Variants in CD53 observed in about 807,000 individuals in gnomAD.
CD53 encodes CD53 molecule.
CD53 carries 20 observed loss-of-function variants against 27.3 expected under a neutral mutation model. The observed-to-expected ratio is 0.73, with a 90% CI of 0.52 to 1.07. The LOEUF (loss-of-function observed/expected upper bound fraction) is 1.07, where lower values mean the gene tolerates loss of function less well. CD53 is among the 50% of genes least tolerant of loss of function. The pLI is 0.00. For synonymous variants in CD53, 106 were observed against 105.3 expected, an observed-to-expected ratio of 1.01 and a Z score of -0.04; for missense variants, 216 against 264.0, an observed-to-expected ratio of 0.82 and a Z score of 1.26.
At chr1:110,892,572 A>T (rs775591354) in intron 3 of CD53, 39 bp downstream of exon 3, 2 of 1,507,310 alleles carry the variant, frequency 1.3e-6, no homozygotes, top group African/African-American at 2.8e-5. Flanking sequence ...CAAGTCGGGG[A>T]GATGGTGCCT....
chr1:110,891,002 T>A (rs1224009181), intron 1 of CD53, among the ~76,000 whole-genome samples: 2 of 152,282 alleles, frequency 1.3e-5, no homozygotes, highest in Non-Finnish European at 2.9e-5. Context: ...TTGGCTTTCT[T>A]GATGGCTGAT....
chr1:110,883,253 G>A (rs1488935568), intron 1 of CD53, among the ~76,000 whole-genome samples: 1 of 151,866 alleles, frequency 6.6e-6, no homozygotes, highest in Admixed American at 6.6e-5. Flanking sequence ...TTTGCTAAGA[G>A]TTTTCATCAA....
Position 110,892,540 on chromosome 1 carries a change from C to G in CD53, c.252+7C>G, listed in dbSNP as rs758847197. 2 of 1,608,944 alleles carry G rather than the reference C, an allele frequency of 1.2e-6. No individual in the cohort carries two copies. The highest frequency in any genetic ancestry group is 3.3e-5 in the Admixed American group (2 of 59,766). On this transcript the variant is annotated splice_region_variant and intron_variant, in intron 3 of 7. Coordinates refer to ENST00000271324, the MANE Select transcript of CD53 (RefSeq NM_000560.4). ...CAAGTGTCTGCTTATGTCGGTGAGT[C>G]CTTACAGCAGATGTGGTGCCCCAAG...
At chr1:110,877,865 G>A (rs1168836295) in intron 1 of CD53, among the ~76,000 whole-genome samples, 3 of 152,188 alleles carry the variant, frequency 2.0e-5, no homozygotes, top group Non-Finnish European at 2.9e-5. Flanking sequence ...TCAAAAGGAC[G>A]TACAGCGATA....
At chr1:110,880,188 G>C (rs1223408331) in intron 1 of CD53, 2 of 152,160 alleles carry the variant, frequency 1.3e-5, no homozygotes. Context: ...ACTGTGGGAG[G>C]GGTGTCGGTT....
At chr1:110,879,481 TA>T in intron 1 of CD53, among the ~76,000 whole-genome samples, 2 of 152,182 alleles carry the variant, frequency 1.3e-5, no homozygotes, top group Admixed American at 1.3e-4. Flanking sequence ...AACATAAAAC[TA>T]GGTTTGTAGT....
At chr1:110,871,488 G>C (rs925908739), upstream of CD53, among the ~76,000 whole-genome samples, 1 of 152,014 alleles carries the variant, frequency 6.6e-6, no homozygotes, top group Non-Finnish European at 1.5e-5. Context: ...CTTGAGTGTG[G>C]GGATGCCAAG....
intron 1 of CD53, among the ~76,000 whole-genome samples, chr1:110,883,880 C>A (rs1485756185): frequency 6.6e-6 from 1 of 151,782 alleles, no homozygotes; most frequent in Non-Finnish European, 1.5e-5. Flanking sequence ...TAGTGTTGTT[C>A]TCTCAATCCT....
intron 5 of CD53, 98 bp from the exon 6 acceptor site, chr1:110,896,555 G>C: frequency 9.2e-7 from 1 of 1,083,696 alleles, no homozygotes; most frequent in Non-Finnish European, 1.4e-6. Context: ...TTCTGCTATA[G>C]AGTCAGATCT....
chr1:110,872,120 G>C (rs1316837735), upstream of CD53, among the ~76,000 whole-genome samples: 1 of 152,148 alleles, frequency 6.6e-6, no homozygotes, highest in Non-Finnish European at 1.5e-5. Flanking sequence ...GAAAACATTG[G>C]GGCCCAGTGA....
intron 1 of CD53, among the ~76,000 whole-genome samples, chr1:110,880,955 G>A (rs569304115): frequency 8.5e-5 from 13 of 152,190 alleles, no homozygotes; most frequent in Admixed American, 1.3e-4. Flanking sequence ...AGAATAAGAG[G>A]CCAGAAAGAA....
intron 1 of CD53, among the ~76,000 whole-genome samples, chr1:110,877,027 A>T (rs1017046396): frequency 2.4e-4 from 36 of 152,208 alleles, no homozygotes; most frequent in African/African-American, 8.7e-4. Context: ...ATTAACACTT[A>T]TGCAATATAA....
upstream of CD53, among the ~76,000 whole-genome samples, chr1:110,872,001 T>C (rs1349304046): frequency 1.3e-5 from 2 of 152,204 alleles, no homozygotes; most frequent in African/African-American, 4.8e-5. Flanking sequence ...TGGAGATTAC[T>C]CTGGATCTGA....
At chr1:110,885,394 T>C (rs899392035) in intron 1 of CD53, among the ~76,000 whole-genome samples, 3 of 152,014 alleles carry the variant, frequency 2.0e-5, no homozygotes, top group Non-Finnish European at 2.9e-5. Flanking sequence ...AAAAATTAGC[T>C]GGACGTGGTG....
intron 1 of CD53, among the ~76,000 whole-genome samples, chr1:110,890,043 A>C (rs1351384836): frequency 6.6e-6 from 1 of 152,332 alleles, no homozygotes; most frequent in Non-Finnish European, 1.5e-5. Context: ...GAAGTAGCTC[A>C]TCAGGCTTAT....
intron 3 of CD53, chr1:110,892,739 T>A (rs1411806788): frequency 5.7e-6 from 3 of 526,614 alleles, no homozygotes; most frequent in Non-Finnish European, 1.0e-5. Context: ...GGCATTGCTA[T>A]CCCCCTTGTA....
intron 7 of CD53, 48 bp from the exon 8 acceptor site, chr1:110,899,076 A>C: frequency 6.9e-7 from 1 of 1,457,196 alleles, no homozygotes; most frequent in Non-Finnish European, 9.6e-7. Flanking sequence ...TTGTGAAAGA[A>C]ATGGCTTTTC....
At chr1:110,871,402 C>T (rs1655958284), upstream of CD53, among the ~76,000 whole-genome samples, 1 of 152,008 alleles carries the variant, frequency 6.6e-6, no homozygotes, top group African/African-American at 2.4e-5. Flanking sequence ...CTTAAGAGGA[C>T]ACCTGGTTTC....
intron 1 of CD53, among the ~76,000 whole-genome samples, chr1:110,876,743 C>CT (rs1451578452): frequency 2.0e-5 from 3 of 152,080 alleles, no homozygotes; most frequent in Admixed American, 2.0e-4. Flanking sequence ...ATGAGAATCC[C>CT]TTAGATCATT....
Sources: gnomAD v4.1 joint callset for allele counts (sites outside exome capture counted in the v4.1 genomes callset) on GRCh38, gnomAD v4.1.1 for gene constraint, MANE v1.5 for transcripts, NCBI Gene and HGNC (gene_info 2026-07-23, HGNC 2026-07-21) for gene names.